Variants in PPM1G observed in about 807,000 individuals in gnomAD.
PPM1G encodes the protein protein phosphatase 1G.
In PPM1G, 12 loss-of-function variants were observed where a neutral mutation model predicts 59.4. That is an observed-to-expected ratio of 0.20 (90% CI 0.13 to 0.33). The LOEUF (loss-of-function observed/expected upper bound fraction) is 0.33. PPM1G is among the 10% of genes least tolerant of loss of function. PPM1G has a pLI of 1.00. For missense variants in PPM1G, 392 were observed against 681.3 expected (o/e 0.58, Z 4.73); for synonymous variants, 245 against 251.9 (o/e 0.97, Z 0.26).
chr2:27,406,098 A>G (rs530169979), intron 1 of PPM1G, among the ~76,000 whole-genome samples: 4 of 152,214 alleles, frequency 2.6e-5, no homozygotes, highest in Non-Finnish European at 5.9e-5. Context: ...CCAGCTATTG[A>G]TGATTGCCAT....
chr2:27,396,819 C>CAAAAAAAAAAAAAAAAAA (rs771980529), intron 1 of PPM1G, among the ~76,000 whole-genome samples: 1 of 125,366 alleles, frequency 8.0e-6, no homozygotes, highest in African/African-American at 3.1e-5. Context: ...CCGTCTCCAA[C>CAAAAAAAAAAAAAAAAAA]AAAAAAAAAA....
rs1000881466 is a variant in PPM1G, at chr2:27,384,277, T to G, written c.826-185A>C. ...CATGAGTACAACTGACATCCTGAAC[T>G]GGGCTTAGCAGTCACTAGCAAAAAG... is the stretch of plus-strand genomic sequence containing the variant. On this transcript the variant is annotated intron_variant, in intron 5 of 9. Coordinates refer to ENST00000344034, the MANE Select transcript of PPM1G (RefSeq NM_177983.3). This position sits in a 1 kb window ranked among gnomAD's most constrained non-coding sequence, Gnocchi z 4.8. 6.6e-6 allele frequency among the ~76,000 whole-genome samples: 1 copy of G among 152,212 alleles called. No homozygotes were observed. Among genetic ancestry groups the G allele is most frequent in the African/African-American group, 2.4e-5 (1 of 41,448 alleles).
chr2:27,386,455 A>G, intron 2 of PPM1G, 176 bp from the exon 3 acceptor site: 1 of 469,870 alleles, frequency 2.1e-6, no homozygotes, highest in South Asian at 3.4e-5. Context: ...AAAAAAATGG[A>G]TTTCACCATC....
Position 27,384,954 on chromosome 2 carries a change from C to T in PPM1G, c.544G>A (p.Gly182Arg), listed in dbSNP as rs1163283804. ...KSGGGTGEEP[G>R]SQGLNGEAGP... ...GCCTCCCCATTGAGGCCCTGGGACC[C>T]TGGTTCCTCGCCTGTCCCACCTCCA... The change falls in exon 5 of 10, where the codon GGG becomes AGG. Residue 182 changes from glycine to arginine, a missense_variant. Gly to Arg is a moderately radical substitution (Grantham distance 125, BLOSUM62 -2). Coordinates refer to ENST00000344034, the MANE Select transcript of PPM1G (RefSeq NM_177983.3). The surrounding 1 kb of genome is among the most constrained non-coding windows in gnomAD (Gnocchi z 4.8). 12 of 1,614,100 alleles carry T rather than the reference C, an allele frequency of 7.4e-6. No homozygotes were observed.
chr2:27,391,941 A>C (rs1320590366), intron 1 of PPM1G, among the ~76,000 whole-genome samples: 24 of 152,018 alleles, frequency 1.6e-4, no homozygotes, highest in Non-Finnish European at 2.9e-5. Flanking sequence ...CATGTTGGCC[A>C]GGATGGTCTC....
In PPM1G at chr2:27,387,117, G is replaced by C; in HGVS notation, c.162C>G (p.Ala54=). Residue 54 remains alanine (A), a synonymous_variant, in exon 2 of 10, where the codon GCC becomes GCG. Transcript: ENST00000344034. ...NCIPELDSET[A]MFSVYDGHGG... The stretch of plus-strand genomic sequence containing the variant: ...CATGTCCATCGTAGACAGAAAACAT[G>C]GCTGTCTCACTGTCCAGCTCAGGAA... 6.2e-7 allele frequency: 1 copy of C among 1,613,204 alleles called. No individual in the cohort carries two copies. The highest frequency in any genetic ancestry group is 8.5e-7 in the Non-Finnish European group (1 of 1,179,216).
intron 1 of PPM1G, among the ~76,000 whole-genome samples, chr2:27,404,504 C>G (rs1475120314): frequency 6.6e-6 from 1 of 150,892 alleles, no homozygotes; most frequent in Non-Finnish European, 1.5e-5. Flanking sequence ...GAGCCGAGAT[C>G]AAGCCACTAC....
intron 1 of PPM1G, among the ~76,000 whole-genome samples, chr2:27,391,059 A>ATT (rs1558318345): frequency 1.3e-5 from 2 of 152,104 alleles, no homozygotes; most frequent in East Asian, 3.9e-4. Context: ...TATGTACCAT[A>ATT]TTTTCTTTTC....
rs181219606 is a variant in PPM1G, at chr2:27,390,593, C to T, written c.121-3435G>A. On this transcript the variant is annotated intron_variant, in intron 1 of 9. Coordinates refer to ENST00000344034, the MANE Select transcript of PPM1G (RefSeq NM_177983.3). Reference sequence around the variant, plus strand: ...CATCCGTAAACAGCCATTCTGCAGACTTCATTTCCCCTAGCCATTATGTCA... The same window carrying T: ...CATCCGTAAACAGCCATTCTGCAGATTTCATTTCCCCTAGCCATTATGTCA... 9.0e-4 allele frequency among the ~76,000 whole-genome samples: 137 copies of T among 152,226 alleles called. 1 individual carries two copies. The highest frequency in any genetic ancestry group is 3.1e-3 in the African/African-American group (128 of 41,552).
In PPM1G at chr2:27,383,379, G is replaced by A; in HGVS notation, c.1188C>T (p.Leu396=). ...CTTGGCCCTTACCAATGGCTCTGGA[G>A]AGGTTGAGGCCCCCGTTGACTCGCC... ...MDGRVNGGLN[L]SRAIGDHFYK... is the part of the protein sequence containing the mutation. The change falls in exon 7 of 10, where the codon CTC becomes CTT. Residue 396 remains leucine, a synonymous_variant. Coordinates refer to ENST00000344034, the MANE Select transcript of PPM1G (RefSeq NM_177983.3). This position sits in a 1 kb window ranked among gnomAD's most constrained non-coding sequence, Gnocchi z 5.0. The A allele has an allele frequency of 1.2e-6, 2 of 1,614,174 alleles. No homozygotes were observed. Among genetic ancestry groups the A allele is most frequent in the Non-Finnish European group, 1.7e-6 (2 of 1,180,006 alleles).
In PPM1G at chr2:27,384,431, G is replaced by A. The variant is rs1306134014; in HGVS notation, c.825+242C>T. On this transcript the variant is annotated intron_variant, in intron 5 of 9. Transcript: ENST00000344034. This position sits in a 1 kb window ranked among gnomAD's most constrained non-coding sequence, Gnocchi z 4.8. ...CTATCTCCTTGTTCTCTCTCTAGGA[G>A]ACAGACTCTGAAAAGCCAGAACTAG... is the stretch of plus-strand genomic sequence containing the variant. Among the ~76,000 whole-genome samples, 1 of 152,196 alleles carries A rather than the reference G, an allele frequency of 6.6e-6. No individual in the cohort carries two copies. The highest frequency in any genetic ancestry group is 2.4e-5 in the African/African-American group (1 of 41,446).
chr2:27,409,436 C>T lies in PPM1G; in HGVS notation c.-14G>A, dbSNP rs552096761. ...GTAGGCACCCATGGCGGCGGCTGGC[C>T]GGCGGCCTCAGGTGCAGGAAAGCTG... On this transcript the variant is annotated 5_prime_UTR_variant, in exon 1 of 10. Coordinates refer to ENST00000344034, the MANE Select transcript of PPM1G (RefSeq NM_177983.3). 6.7e-5 allele frequency: 101 copies of T among 1,502,570 alleles called. 1 individual carries two copies. The South Asian group carries it at 1.1e-3, about 17-fold the overall frequency. 93.1% of individuals were successfully genotyped at this position (1,502,570 alleles called of 1,614,324 possible). A position where few individuals can be genotyped will look rare whatever the true frequency, so the allele number is the denominator to read the frequency against.
chr2:27,402,633 G>A (rs1013772868), intron 1 of PPM1G, among the ~76,000 whole-genome samples: 14 of 151,800 alleles, frequency 9.2e-5, no homozygotes, highest in African/African-American at 3.1e-4. Flanking sequence ...GTGAAACCCC[G>A]CCTCTACTAA....
Position 27,382,063 on chromosome 2 carries a change from A to T in PPM1G, c.1434+63T>A. 6.6e-7 allele frequency: 1 copy of T among 1,513,230 alleles called. No homozygotes were observed. The highest frequency in any genetic ancestry group is 1.1e-5 in the South Asian group (1 of 88,806). 93.7% of individuals were successfully genotyped at this position (1,513,230 alleles called of 1,614,324 possible). A position where few individuals can be genotyped will look rare whatever the true frequency, so the allele number is the denominator to read the frequency against. ...CTCCCAGATTGCCGACTTAGCTCAG[A>T]TTAAAAGAGTGAACCCTGGCTGTGC... is the stretch of plus-strand genomic sequence containing the variant. On this transcript the variant is annotated intron_variant, in intron 9 of 9. Transcript: ENST00000344034. The surrounding 1 kb of genome is among the most constrained non-coding windows in gnomAD (Gnocchi z 4.2).
chr2:27,383,865 G>A lies in PPM1G; in HGVS notation c.966+87C>T. 1 of 1,522,556 alleles carries A rather than the reference G, an allele frequency of 6.6e-7. No individual in the cohort carries two copies. Among genetic ancestry groups the A allele is most frequent in the South Asian group, 1.3e-5 (1 of 79,746 alleles). The allele number at this position is 1,522,556 out of a possible 1,614,324, so 94.3% of individuals were successfully genotyped here. Reference sequence around the variant, plus strand: ...TATTACTTCCATCCTAAAGTATCAGGGGGATCCCCTGTCTCAAAATCAAAA... The same window carrying A: ...TATTACTTCCATCCTAAAGTATCAGAGGGATCCCCTGTCTCAAAATCAAAA... On this transcript the variant is annotated intron_variant, in intron 6 of 9. Transcript: ENST00000344034. The surrounding 1 kb of genome is among the most constrained non-coding windows in gnomAD (Gnocchi z 5.0).
chr2:27,389,692 C>T (rs890282899), intron 1 of PPM1G, among the ~76,000 whole-genome samples: 7 of 152,178 alleles, frequency 4.6e-5, no homozygotes, highest in African/African-American at 9.7e-5. Flanking sequence ...TGGCTAGGTG[C>T]GATGGCTCAC....
intron 1 of PPM1G, among the ~76,000 whole-genome samples, chr2:27,404,603 A>G (rs1382308351): frequency 2.6e-5 from 4 of 151,954 alleles, no homozygotes; most frequent in Non-Finnish European, 4.4e-5. Flanking sequence ...TCACTTCCAG[A>G]GAACCTCACA....
At chr2:27,391,263 T>G (rs1018022917) in intron 1 of PPM1G, among the ~76,000 whole-genome samples, 4 of 152,242 alleles carry the variant, frequency 2.6e-5, no homozygotes, top group Middle Eastern at 3.2e-3. Context: ...ATCTCCAAAC[T>G]GACTGTGCCT....
At chr2:27,409,167 G>A in intron 1 of PPM1G, 136 bp downstream of exon 1, 1 of 1,291,678 alleles carries the variant, frequency 7.7e-7, no homozygotes, top group Non-Finnish European at 1.0e-6. Flanking sequence ...CGCGGTCTCT[G>A]TCGCCCCGCA....
Sources: allele counts gnomAD v4.1 joint callset (sites outside exome capture counted in the v4.1 genomes callset), GRCh38; gene constraint gnomAD v4.1.1; non-coding constraint Gnocchi (gnomAD v3.1); transcripts MANE v1.5; gene names NCBI Gene and HGNC (gene_info 2026-07-23, HGNC 2026-07-21).